ARFGAP3: variants seen among roughly 807,000 people sequenced by gnomAD.
The protein encoded by ARFGAP3 is ARF GTPase activating protein 3.
A neutral mutation model predicts 75.0 loss-of-function variants in ARFGAP3; 72 were observed. The observed-to-expected ratio is 0.96, with a 90% CI of 0.79 to 1.17. The LOEUF is 1.17. Ranked by LOEUF, ARFGAP3 falls within the 50% of genes most tolerant of loss-of-function variation. The probability of loss-of-function intolerance (pLI) is 0.00; values close to 1 mark genes in which losing one functional copy is unlikely to be tolerated. For synonymous variants in ARFGAP3, 221 were observed against 217.9 expected, an observed-to-expected ratio of 1.01 and a Z score of -0.13; for missense variants, 620 against 626.6, an observed-to-expected ratio of 0.99 and a Z score of 0.11.
At position 42,823,550 on chromosome 22, in the gene ARFGAP3, A is replaced by G. The variant is rs1236417278; in HGVS notation, c.672+106T>C. The G allele has an allele frequency of 3.7e-6, 3 of 819,066 alleles. No individual in the cohort carries two copies. In the East Asian group the frequency reaches 9.0e-5, roughly 25 times the overall value. The allele number at this position is 819,066 out of a possible 1,614,324, so 50.7% of individuals were successfully genotyped here. A position where few individuals can be genotyped will look rare whatever the true frequency, so the allele number is the denominator to read the frequency against. On this transcript the variant is annotated intron_variant, in intron 8 of 15. Transcript: ENST00000263245. ...CATAGACTCCTTATATCAAAGCTAC[A>G]TTTATTACAAGATGGTTCAAAAGAA...
intron 15 of ARFGAP3, among the ~76,000 whole-genome samples, chr22:42,798,383 G>A (rs1924698987): frequency 6.6e-6 from 1 of 152,224 alleles, no homozygotes. Context: ...ACTTCCTTTA[G>A]CAGCGTTTTA....
At chr22:42,851,459 G>A (rs544588612) in intron 1 of ARFGAP3, among the ~76,000 whole-genome samples, 17 of 152,368 alleles carry the variant, frequency 1.1e-4, no homozygotes, top group African/African-American at 3.1e-4. Flanking sequence ...CCCCATGAGG[G>A]GGGGGCCATG....
chr22:42,834,106 A>C, intron 5 of ARFGAP3, 136 bp downstream of exon 5: 1 of 793,848 alleles, frequency 1.3e-6, no homozygotes, highest in Non-Finnish European at 2.0e-6. Flanking sequence ...TGATAATGTC[A>C]TTTCTCTCTT....
chr22:42,841,818 A>G (rs1168468807), intron 2 of ARFGAP3, among the ~76,000 whole-genome samples: 1 of 151,930 alleles, frequency 6.6e-6, no homozygotes, highest in Non-Finnish European at 1.5e-5. Context: ...AAGAAGCTTT[A>G]GGTCCACCAA....
intron 2 of ARFGAP3, 175 bp downstream of exon 2, chr22:42,847,339 A>AT (rs368227106): frequency 1.8e-6 from 1 of 559,484 alleles, no homozygotes; most frequent in Non-Finnish European, 3.2e-6. Flanking sequence ...AACATTTTTT[A>AT]TTTTTTGTAG....
rs565298342 is a variant in ARFGAP3, at chr22:42,854,409, T to G, written c.69+2705A>C. 4.6e-5 allele frequency among the ~76,000 whole-genome samples: 7 copies of G among 152,248 alleles called. No homozygotes were observed. In the South Asian group the frequency reaches 1.5e-3, roughly 32 times the overall value. ...GGAGGCTGAGACAGGCGGATCACTT[T>G]AGGTCAGGAGTTTGAGACCAGCCTG... On this transcript the variant is annotated intron_variant, in intron 1 of 15. Coordinates refer to ENST00000263245, the MANE Select transcript of ARFGAP3 (RefSeq NM_014570.5).
At chr22:42,852,581 G>C (rs1273132472) in intron 1 of ARFGAP3, among the ~76,000 whole-genome samples, 1 of 150,804 alleles carries the variant, frequency 6.6e-6, no homozygotes, top group African/African-American at 2.4e-5. Context: ...GGCTGGTCTC[G>C]AACTCCTGAG....
At chr22:42,852,716 C>T (rs1215789504) in intron 1 of ARFGAP3, among the ~76,000 whole-genome samples, 1 of 152,098 alleles carries the variant, frequency 6.6e-6, no homozygotes, top group Non-Finnish European at 1.5e-5. Context: ...GTACATTTCA[C>T]AAATTATGTA....
At chr22:42,851,916 T>C (rs1446056717) in intron 1 of ARFGAP3, among the ~76,000 whole-genome samples, 1 of 152,212 alleles carries the variant, frequency 6.6e-6, no homozygotes, top group Non-Finnish European at 1.5e-5. Context: ...AACAACGCTT[T>C]CATTAGTAGG....
intron 3 of ARFGAP3, 110 bp from the exon 4 acceptor site, chr22:42,835,603 C>T (rs1926487429): frequency 1.6e-6 from 2 of 1,261,420 alleles, no homozygotes; most frequent in South Asian, 1.3e-5. Flanking sequence ...AGGCAGATCA[C>T]GAGGTCGGGA....
chr22:42,838,896 G>C (rs1926655280), intron 3 of ARFGAP3, among the ~76,000 whole-genome samples: 1 of 151,656 alleles, frequency 6.6e-6, no homozygotes, highest in Admixed American at 6.6e-5. Flanking sequence ...GGATCACAAG[G>C]TCAGGTGATC....
At chr22:42,848,341 T>C (rs942012570) in intron 1 of ARFGAP3, among the ~76,000 whole-genome samples, 2 of 152,188 alleles carry the variant, frequency 1.3e-5, no homozygotes, top group Non-Finnish European at 2.9e-5. Context: ...CCTGAGTAGC[T>C]GGGACTACAG....
intron 1 of ARFGAP3, among the ~76,000 whole-genome samples, chr22:42,855,027 C>A (rs1432773511): frequency 6.6e-6 from 1 of 152,166 alleles, no homozygotes; most frequent in Admixed American, 6.5e-5. Flanking sequence ...ATATGCAGTT[C>A]CTACTCTAAG....
chr22:42,846,534 T>G (rs1298666850), intron 2 of ARFGAP3, among the ~76,000 whole-genome samples: 2 of 152,196 alleles, frequency 1.3e-5, no homozygotes, highest in Non-Finnish European at 2.9e-5. Context: ...TAGAAGACGG[T>G]TTACTCACCA....
intron 1 of ARFGAP3, among the ~76,000 whole-genome samples, chr22:42,849,930 T>C (rs1927199829): frequency 1.3e-5 from 2 of 152,136 alleles, no homozygotes; most frequent in African/African-American, 4.8e-5. Context: ...AAGTGTTTGC[T>C]GAATAGTTGT....
chr22:42,837,636 A>ACCCT (rs1926579676), intron 3 of ARFGAP3, among the ~76,000 whole-genome samples: 2 of 147,474 alleles, frequency 1.4e-5, no homozygotes, highest in Non-Finnish European at 3.0e-5. Flanking sequence ...AAAAAAAAAA[A>ACCCT]AAACCAAAAA....
At chr22:42,806,302 C>T (rs1925118728) in intron 14 of ARFGAP3, among the ~76,000 whole-genome samples, 1 of 151,126 alleles carries the variant, frequency 6.6e-6, no homozygotes, top group African/African-American at 2.4e-5. Flanking sequence ...TTGTAGGGTA[C>T]TCTCACAAGG....
Position 42,817,803 on chromosome 22 carries a change from GTCTT to G in ARFGAP3, c.863_866del (p.Lys288ThrfsTer4). 1 of 1,612,848 alleles carries G rather than the reference GTCTT, an allele frequency of 6.2e-7. No homozygotes were observed. Among genetic ancestry groups the G allele is most frequent in the African/African-American group, 1.3e-5 (1 of 74,912 alleles). On this transcript the variant is annotated frameshift_variant, in exon 10 of 16. Transcript: ENST00000263245. LOFTEE classifies it high-confidence loss of function. ...TTTTGCCACTAATGTTCATCTTTTC[GTCTT>G]TCTTCATTTGAATTTCAAGATCCTT... is the stretch of plus-strand genomic sequence containing the variant.
chr22:42,828,111 C>T (rs533440976), intron 6 of ARFGAP3, among the ~76,000 whole-genome samples: 1 of 149,766 alleles, frequency 6.7e-6, no homozygotes, highest in Non-Finnish European at 1.5e-5. Flanking sequence ...ATGGTGAAAC[C>T]CCATATCTAC....
Sources: gnomAD v4.1 joint callset for allele counts (sites outside exome capture counted in the v4.1 genomes callset) on GRCh38, gnomAD v4.1.1 for gene constraint, MANE v1.5 for transcripts, NCBI Gene and HGNC (gene_info 2026-07-23, HGNC 2026-07-21) for gene names.